Variants in SEC14L2 observed in about 807,000 individuals in gnomAD.
SEC14L2 encodes the protein SEC14-like protein 2.
Under a neutral mutation model 56.9 loss-of-function variants are expected in SEC14L2, and 50 were observed. The observed-to-expected ratio is 0.88, with a 90% CI of 0.70 to 1.11. The LOEUF (loss-of-function observed/expected upper bound fraction) is 1.11. SEC14L2 is among the 50% of genes most tolerant of loss of function. SEC14L2 has a pLI of 0.00. For missense variants in SEC14L2, 414 were observed against 500.7 expected (o/e 0.83, Z 1.65); for synonymous variants, 179 against 188.5 (o/e 0.95, Z 0.41).
chr22:30,399,476 C>T (rs1012155126), intron 1 of SEC14L2, among the ~76,000 whole-genome samples, 167 bp from the exon 2 acceptor site: 3 of 143,260 alleles, frequency 2.1e-5, no homozygotes, highest in Admixed American at 7.3e-5. Context: ...GATCGCCCAC[C>T]GCACTCCAGC....
At chr22:30,411,478 G>A (rs554933084) in intron 8 of SEC14L2, among the ~76,000 whole-genome samples, 26 of 152,114 alleles carry the variant, frequency 1.7e-4, no homozygotes, top group Non-Finnish European at 3.2e-4. Context: ...GGGCACGGTG[G>A]CTCATGCCTG....
intron 8 of SEC14L2, 42 bp from the exon 9 acceptor site, chr22:30,415,717 G>A: frequency 2.6e-6 from 4 of 1,563,802 alleles, no homozygotes; most frequent in Non-Finnish European, 3.5e-6. Context: ...ATCTTACCTA[G>A]TGTTGAGATA....
rs562171776 is a variant in SEC14L2 at position 30,411,051 on chromosome 22, C to T, written c.664+372C>T. 7.6e-4 allele frequency among the ~76,000 whole-genome samples: 116 copies of T among 152,008 alleles called. 1 individual carries two copies. The South Asian group carries it at 0.023, about 30-fold the overall frequency. ...GCTCAGGTGAAAGGATCACTTGAGG[C>T]CAGGAGCTCAAGACCAGCCTGGGCA... is the stretch of plus-strand genomic sequence containing the variant. On this transcript the variant is annotated intron_variant, in intron 8 of 11. Transcript: ENST00000615189.
At chr22:30,417,165 A>T (rs1318414183) in intron 11 of SEC14L2, among the ~76,000 whole-genome samples, 1 of 152,226 alleles carries the variant, frequency 6.6e-6, no homozygotes, top group Non-Finnish European at 1.5e-5. Context: ...GGGACATGTT[A>T]AACAAATAAG....
chr22:30,422,256 C>T (rs777231333), intron 11 of SEC14L2, 21 bp from the exon 12 acceptor site: 1 of 1,613,562 alleles, frequency 6.2e-7, no homozygotes, highest in Non-Finnish European at 8.5e-7. Flanking sequence ...GAATGTCTGT[C>T]TGGTTTCTGC....
intron 5 of SEC14L2, among the ~76,000 whole-genome samples, chr22:30,408,847 C>T (rs959872910): frequency 3.9e-5 from 6 of 152,216 alleles, no homozygotes; most frequent in African/African-American, 9.6e-5. Flanking sequence ...CGTCTGTCCT[C>T]GGGCATAAGT....
chr22:30,399,898 C>G (rs1933879118), intron 2 of SEC14L2, among the ~76,000 whole-genome samples, 180 bp downstream of exon 2: 1 of 152,234 alleles, frequency 6.6e-6, no homozygotes, highest in Non-Finnish European at 1.5e-5. Flanking sequence ...CACTGAGGCT[C>G]AGAGAGGTCA....
chr22:30,404,397 T>C (rs993582274), intron 2 of SEC14L2, among the ~76,000 whole-genome samples: 1 of 152,128 alleles, frequency 6.6e-6, no homozygotes, highest in Non-Finnish European at 1.5e-5. Flanking sequence ...GGACTGATTT[T>C]CATAACGGCA....
chr22:30,422,171 C>T (rs1934536993), intron 11 of SEC14L2, 106 bp from the exon 12 acceptor site: 4 of 1,405,536 alleles, frequency 2.8e-6, no homozygotes, highest in Non-Finnish European at 3.9e-6. Context: ...ATCCCCATGA[C>T]CTGCCACACT....
intron 11 of SEC14L2, 180 bp downstream of exon 11, chr22:30,416,583 C>A: frequency 2.0e-6 from 3 of 1,485,736 alleles, no homozygotes; most frequent in Non-Finnish European, 2.7e-6. Context: ...TTTATGGTGA[C>A]CCAACTGGTT....
chr22:30,416,407 A>C lies in SEC14L2; in HGVS notation c.1081+4A>C, dbSNP rs1412287711. 1 of 1,614,228 alleles carries C rather than the reference A, an allele frequency of 6.2e-7. No individual in the cohort carries two copies. Reference sequence around the variant, plus strand: ...ACCTGCAGTGATCCTGGCATCTGTAAGTATCTCTGCCTTGGCAATGCCTTG... The same window carrying C: ...ACCTGCAGTGATCCTGGCATCTGTACGTATCTCTGCCTTGGCAATGCCTTG... On this transcript the variant is annotated splice_donor_region_variant and intron_variant, in intron 11 of 11. Coordinates refer to ENST00000615189, the MANE Select transcript of SEC14L2 (RefSeq NM_012429.5).
At chr22:30,402,098 A>G (rs569917141) in intron 2 of SEC14L2, among the ~76,000 whole-genome samples, 1 of 152,000 alleles carries the variant, frequency 6.6e-6, no homozygotes, top group South Asian at 2.1e-4. Flanking sequence ...AAGCTTCCAT[A>G]CCATCCCCCT....
rs1197584410 is a variant in SEC14L2 at position 30,415,091 on chromosome 22, T to TG, written c.665-664dup. Among the ~76,000 whole-genome samples, 5 of 152,240 alleles carry TG rather than the reference T, an allele frequency of 3.3e-5. No individual in the cohort carries two copies. The East Asian group carries it at 9.7e-4, about 29-fold the overall frequency. On this transcript the variant is annotated intron_variant, in intron 8 of 11. Coordinates refer to ENST00000615189, the MANE Select transcript of SEC14L2 (RefSeq NM_012429.5). ...GCTGTACTTCAATGTATCACCTCCA[T>TG]GGGGTAATAACATACTCTTAACGTG...
chr22:30,409,276 T>C lies in SEC14L2; in HGVS notation c.513T>C (p.Tyr171=), dbSNP rs372207665. 6 of 1,602,466 alleles carry C rather than the reference T, an allele frequency of 3.7e-6. No individual in the cohort carries two copies. The highest frequency in any genetic ancestry group is 1.4e-5 in the African/African-American group (1 of 71,666). Residue 171 remains tyrosine (Y), a synonymous_variant, in exon 6 of 12, where the codon TAT becomes TAC. Coordinates refer to ENST00000615189, the MANE Select transcript of SEC14L2 (RefSeq NM_012429.5). The part of the protein sequence containing the change: ...KHLWKPAVEA[Y]GEFLCMFEEN... Reference sequence around the variant, plus strand: ...TCTGGAAGCCTGCTGTGGAGGCCTATGGAGAGGTGAGGGGCAGGGGTGGGG... The same window carrying C: ...TCTGGAAGCCTGCTGTGGAGGCCTACGGAGAGGTGAGGGGCAGGGGTGGGG...
chr22:30,410,828 T>C, intron 8 of SEC14L2, 149 bp downstream of exon 8: 2 of 671,186 alleles, frequency 3.0e-6, no homozygotes, highest in Non-Finnish European at 5.3e-6. Context: ...GGGGTGGAGC[T>C]AGTGCCTTCT....
intron 2 of SEC14L2, among the ~76,000 whole-genome samples, chr22:30,404,782 T>C (rs192807587): frequency 1.3e-5 from 2 of 152,020 alleles, no homozygotes; most frequent in African/African-American, 2.4e-5. Context: ...GCCAAGAAAG[T>C]TCTTAGGCTG....
intron 5 of SEC14L2, among the ~76,000 whole-genome samples, chr22:30,408,539 C>T (rs926617303): frequency 3.9e-5 from 6 of 152,132 alleles, no homozygotes; most frequent in East Asian, 3.9e-4. Context: ...GAGCCGTGAT[C>T]GCACCACTGC....
chr22:30,421,668 C>G (rs1002330103), intron 11 of SEC14L2: 1 of 152,176 alleles, frequency 6.6e-6, no homozygotes, highest in African/African-American at 2.4e-5. Context: ...TACCTTTTGT[C>G]AGAAATTGAA....
chr22:30,399,606 C>T (rs886542861), intron 1 of SEC14L2, 37 bp from the exon 2 acceptor site: 5 of 1,559,688 alleles, frequency 3.2e-6, no homozygotes, highest in South Asian at 1.1e-5. Context: ...GCAGTCAGGG[C>T]GGGCCCTACC....
Sources: allele counts gnomAD v4.1 joint callset (sites outside exome capture counted in the v4.1 genomes callset), GRCh38; gene constraint gnomAD v4.1.1; transcripts MANE v1.5; gene names NCBI Gene and HGNC (gene_info 2026-07-23, HGNC 2026-07-21).